ATRN: variants seen among roughly 807,000 people sequenced by gnomAD.
ATRN encodes the protein attractin.
In ATRN, 54 loss-of-function variants were observed where a neutral mutation model predicts 178.7. The ratio of observed to expected loss-of-function variants is 0.30; its 90% confidence interval spans 0.24 to 0.38. The LOEUF is 0.38. Ranked by LOEUF, ATRN falls within the 10% of genes least tolerant of loss-of-function variation. ATRN has a pLI of 1.00. For missense variants in ATRN, 1,443 were observed against 1,815.1 expected (o/e 0.79, Z 3.73); for synonymous variants, 636 against 663.0 (o/e 0.96, Z 0.63).
intron 11 of ATRN, among the ~76,000 whole-genome samples, chr20:3,566,217 A>C (rs777763490): frequency 6.6e-6 from 1 of 152,156 alleles, no homozygotes; most frequent in Non-Finnish European, 1.5e-5. Flanking sequence ...AATATAGCTC[A>C]AGTCTGTAGG....
chr20:3,585,875 G>T (rs952609234), intron 18 of ATRN, among the ~76,000 whole-genome samples: 5 of 152,110 alleles, frequency 3.3e-5, no homozygotes, highest in Admixed American at 6.5e-5. Flanking sequence ...AGAAATGCAA[G>T]TCAAAGCCAC....
At chr20:3,555,728 A>G (rs1180020196) in intron 6 of ATRN, among the ~76,000 whole-genome samples, 1 of 152,268 alleles carries the variant, frequency 6.6e-6, no homozygotes, top group Non-Finnish European at 1.5e-5. Context: ...TGTCTTAGAT[A>G]CAGTGGGAAC....
intron 1 of ATRN, among the ~76,000 whole-genome samples, chr20:3,480,951 G>C (rs2084612133): frequency 6.6e-6 from 1 of 152,070 alleles, no homozygotes; most frequent in South Asian, 2.1e-4. Context: ...AACTATAGTT[G>C]TACTTTTTGA....
chr20:3,474,631 C>T (rs371143791), intron 1 of ATRN, among the ~76,000 whole-genome samples: 124 of 151,410 alleles, frequency 8.2e-4, no homozygotes, highest in African/African-American at 1.9e-3. Flanking sequence ...GGCGTGAACC[C>T]GGGAGGCAGA....
chr20:3,509,408 A>G (rs1043709493), intron 1 of ATRN, among the ~76,000 whole-genome samples: 4 of 152,226 alleles, frequency 2.6e-5, no homozygotes, highest in Non-Finnish European at 4.4e-5. Flanking sequence ...AGCACAGTCT[A>G]CCAGAAAAAA....
At chr20:3,570,921 G>A (rs1248446190) in intron 11 of ATRN, among the ~76,000 whole-genome samples, 2 of 152,150 alleles carry the variant, frequency 1.3e-5, no homozygotes, top group Non-Finnish European at 2.9e-5. Context: ...AAACTGTGGT[G>A]TTCTTCTTTT....
At chr20:3,490,801 T>C in intron 1 of ATRN, 1 of 797,424 alleles carries the variant, frequency 1.3e-6, no homozygotes, top group Admixed American at 1.7e-5. Context: ...GAAATGGCAT[T>C]GAGTTCCTCC....
At chr20:3,631,260 G>T (rs370410897) in intron 25 of ATRN, among the ~76,000 whole-genome samples, 69 of 152,056 alleles carry the variant, frequency 4.5e-4, no homozygotes, top group Middle Eastern at 3.4e-3. Flanking sequence ...TGGTCCAAAA[G>T]AATTTAAAAT....
intron 1 of ATRN, among the ~76,000 whole-genome samples, chr20:3,480,967 T>C (rs1402419159): frequency 6.6e-6 from 1 of 152,226 alleles, no homozygotes; most frequent in Admixed American, 6.5e-5. Flanking sequence ...TTTGAAATAC[T>C]TGTGTCTGGA....
intron 18 of ATRN, among the ~76,000 whole-genome samples, chr20:3,588,340 A>G (rs184841999): frequency 1.1e-3 from 165 of 151,870 alleles, no homozygotes; most frequent in African/African-American, 3.8e-3. Context: ...CATGCCCTTT[A>G]TTGGGTTGAG....
intron 25 of ATRN, among the ~76,000 whole-genome samples, chr20:3,629,569 G>A (rs887907038): frequency 5.3e-5 from 8 of 152,174 alleles, no homozygotes; most frequent in African/African-American, 1.9e-4. Context: ...ACTACCCATA[G>A]TTGGAGCAAA....
chr20:3,619,693 C>T (rs1300559751), intron 24 of ATRN, among the ~76,000 whole-genome samples: 3 of 152,212 alleles, frequency 2.0e-5, no homozygotes, highest in Non-Finnish European at 4.4e-5. Context: ...ACCCACCATA[C>T]TTAATTAGAA....
chr20:3,541,125 T>A (rs574121923), intron 3 of ATRN, among the ~76,000 whole-genome samples: 1 of 150,472 alleles, frequency 6.6e-6, no homozygotes, highest in African/African-American at 2.5e-5. Flanking sequence ...TCGCCCAGGC[T>A]GGAATGCAGT....
chr20:3,646,981 A>T lies in ATRN; in HGVS notation c.*134A>T. 1 of 1,179,050 alleles carries T rather than the reference A, an allele frequency of 8.5e-7. No individual in the cohort carries two copies. The highest frequency in any genetic ancestry group is 1.6e-5 in the African/African-American group (1 of 64,316). 73.0% of individuals were successfully genotyped at this position (1,179,050 alleles called of 1,614,324 possible). On this transcript the variant is annotated 3_prime_UTR_variant, in exon 29 of 29. Coordinates refer to ENST00000262919, the MANE Select transcript of ATRN (RefSeq NM_139321.3). ...TGGAAACCCTCAAAGCATCTGACTC[A>T]CCTGCATGATCACAAGCTTTCTTTG...
intron 1 of ATRN, among the ~76,000 whole-genome samples, chr20:3,476,393 C>G (rs2084531223): frequency 6.6e-6 from 1 of 152,180 alleles, no homozygotes; most frequent in Admixed American, 6.5e-5. Context: ...AGTCCAGTCA[C>G]TCTTTATGGA....
intron 1 of ATRN, among the ~76,000 whole-genome samples, chr20:3,521,153 C>T (rs899143184): frequency 1.4e-4 from 21 of 151,930 alleles, no homozygotes; most frequent in African/African-American, 5.1e-4. Context: ...AGGTACTATG[C>T]GTACACACAG....
intron 1 of ATRN, among the ~76,000 whole-genome samples, chr20:3,507,128 C>T (rs553779804): frequency 4.0e-5 from 6 of 151,228 alleles, no homozygotes; most frequent in Non-Finnish European, 7.4e-5. Flanking sequence ...AGTTAAAGGC[C>T]GGGCACATTG....
At chr20:3,609,664 C>T (rs2086733185) in intron 24 of ATRN, among the ~76,000 whole-genome samples, 1 of 149,578 alleles carries the variant, frequency 6.7e-6, no homozygotes, top group Non-Finnish European at 1.5e-5. Flanking sequence ...TGGAAACAAC[C>T]CAAATATCTA....
At chr20:3,585,410 A>G (rs2086343895) in intron 18 of ATRN, among the ~76,000 whole-genome samples, 1 of 152,232 alleles carries the variant, frequency 6.6e-6, no homozygotes, top group Non-Finnish European at 1.5e-5. Flanking sequence ...TGAACCCAAC[A>G]GAAAAAGTGG....
Sources: allele counts gnomAD v4.1 joint callset (sites outside exome capture counted in the v4.1 genomes callset), GRCh38; gene constraint gnomAD v4.1.1; transcripts MANE v1.5; gene names NCBI Gene and HGNC (gene_info 2026-07-23, HGNC 2026-07-21).